The following PTPRG variants were observed in gnomAD, a reference collection of about 807,000 sequenced individuals.
PTPRG encodes the protein receptor-type tyrosine-protein phosphatase gamma.
A neutral mutation model predicts 165.3 loss-of-function variants in PTPRG; 102 were observed. The observed-to-expected ratio is 0.62, with a 90% CI of 0.53 to 0.73. The LOEUF (loss-of-function observed/expected upper bound fraction) is 0.73. Among genes scored for constraint, PTPRG ranks in the 30% least tolerant of loss-of-function variants. The probability of loss-of-function intolerance (pLI) is 0.00; values close to 1 mark genes in which losing one functional copy is unlikely to be tolerated. For synonymous variants in PTPRG, 675 were observed against 669.5 expected (o/e 1.01, Z -0.13); for missense variants, 1,866 against 1,861.4 (o/e 1.00, Z -0.05).
Position 62,157,096 on chromosome 3 carries a change from C to T in PTPRG, c.712C>T (p.Leu238Phe), listed in dbSNP as rs1027544316. ...EKETFLDPFVLRDLLPASLGS... is the reference protein window; with the variant it reads ...EKETFLDPFVFRDLLPASLGS... ...GGAGACCTTTCTGGATCCTTTCGTC[C>T]TCCGGGACCTCCTGCCTGCATCCCT... The change falls in exon 7 of 30, where the codon CTC (leucine) becomes TTC (phenylalanine). Residue 238 changes from leucine to phenylalanine, a missense_variant. This residue lies in a region of PTPRG where 408 missense variants were observed against 376.2 expected (regional missense o/e 1.08). Coordinates refer to ENST00000474889, the MANE Select transcript of PTPRG (RefSeq NM_002841.4). The T allele has an allele frequency of 6.2e-7, 1 of 1,609,846 alleles. No homozygotes were observed. The highest frequency in any genetic ancestry group is 2.2e-5 in the East Asian group (1 of 44,826).
rs747761165 is a variant in PTPRG, at chr3:62,271,348, C to T, written c.3010-35C>T. 2.6e-6 allele frequency: 4 copies of T among 1,538,888 alleles called. No individual in the cohort carries two copies. Among genetic ancestry groups the T allele is most frequent in the Non-Finnish European group, 1.8e-6 (2 of 1,133,078 alleles). On this transcript the variant is annotated intron_variant, in intron 20 of 29. Transcript: ENST00000474889. The surrounding 1 kb of genome is among the most constrained non-coding windows in gnomAD (Gnocchi z 4.1). Reference sequence around the variant, plus strand: ...ATTTTTTTCCAGAATGTCCACCCCCCCGCTTAAAGACATCTTTTTTCACTT... The same window carrying T: ...ATTTTTTTCCAGAATGTCCACCCCCTCGCTTAAAGACATCTTTTTTCACTT...
At chr3:61,749,361 T>C (rs1294310365) in intron 2 of PTPRG, 1 of 349,740 alleles carries the variant, frequency 2.9e-6, no homozygotes, top group East Asian at 7.9e-5. Context: ...TGCTAAACAT[T>C]ACAAACATCA....
intron 1 of PTPRG, among the ~76,000 whole-genome samples, chr3:61,652,438 A>G (rs1702380546): frequency 6.6e-6 from 1 of 151,132 alleles, no homozygotes; most frequent in South Asian, 2.1e-4. Flanking sequence ...TGAAATTAGA[A>G]TTTCCTCTAC....
rs914281463 is a variant in PTPRG, at chr3:62,103,143, G to GT, written c.615+24895dup. 6.3e-4 allele frequency among the ~76,000 whole-genome samples: 91 copies of GT among 144,168 alleles called. 1 individual carries two copies. The highest frequency in any genetic ancestry group is 1.5e-3 in the African/African-American group (59 of 38,810). 94.6% of individuals were successfully genotyped at this position (144,168 alleles called of 152,430 possible). On this transcript the variant is annotated intron_variant, in intron 5 of 29. Transcript: ENST00000474889. ...CTAACCCTCAGCTGTTCCTCATCAA[G>GT]TTTTTTTTTTATTTTATTTTGTGTT... is the stretch of plus-strand genomic sequence containing the variant.
intron 2 of PTPRG, among the ~76,000 whole-genome samples, chr3:61,824,145 TG>T (rs2036039444): frequency 6.6e-6 from 1 of 151,608 alleles, no homozygotes; most frequent in Admixed American, 6.6e-5. Context: ...AAAAAGATGA[TG>T]AAAAATGAGT....
At chr3:61,724,454 T>TG (rs764853045) in intron 1 of PTPRG, among the ~76,000 whole-genome samples, 8 of 152,086 alleles carry the variant, frequency 5.3e-5, no homozygotes, top group Non-Finnish European at 1.2e-4. Context: ...ATATTAACAG[T>TG]GCGTACACGT....
At position 62,293,422 on chromosome 3, in the gene PTPRG, TAA is replaced by T; in HGVS notation, c.*118_*119del. ...TAACCCAGTTACTTTTTTACACTGA[TAA>T]AAGTTTTGATATTTATTTTTTGCCA... On this transcript the variant is annotated 3_prime_UTR_variant, in exon 30 of 30. Coordinates refer to ENST00000474889, the MANE Select transcript of PTPRG (RefSeq NM_002841.4). 1.1e-6 allele frequency: 1 copy of T among 924,068 alleles called. No homozygotes were observed. Among genetic ancestry groups the T allele is most frequent in the Non-Finnish European group, 1.5e-6 (1 of 649,414 alleles). The allele number at this position is 924,068 out of a possible 1,614,324, so 57.2% of individuals were successfully genotyped here. A position where few individuals can be genotyped will look rare whatever the true frequency, so the allele number is the denominator to read the frequency against.
At chr3:61,565,410 CT>C (rs1265589185) in intron 1 of PTPRG, among the ~76,000 whole-genome samples, 2 of 152,132 alleles carry the variant, frequency 1.3e-5, no homozygotes, top group Non-Finnish European at 2.9e-5. Context: ...CCCCACCCAA[CT>C]TCAACACTCA....
chr3:61,822,055 C>G (rs1332304726), intron 2 of PTPRG, among the ~76,000 whole-genome samples: 6 of 152,182 alleles, frequency 3.9e-5, no homozygotes, highest in Admixed American at 3.9e-4. Flanking sequence ...AGTAACTTGC[C>G]TAAGTAATTA....
At chr3:61,767,360 A>G (rs1336434550) in intron 2 of PTPRG, among the ~76,000 whole-genome samples, 6 of 151,874 alleles carry the variant, frequency 4.0e-5, no homozygotes. Context: ...ATTCTAGTAC[A>G]TGATGATTTC....
intron 2 of PTPRG, among the ~76,000 whole-genome samples, chr3:61,909,787 C>CAA (rs1441520155): frequency 1.3e-5 from 2 of 152,124 alleles, no homozygotes; most frequent in African/African-American, 4.8e-5. Flanking sequence ...TTAGAGAAAT[C>CAA]GAATTGCTAA....
chr3:61,712,189 C>T (rs565422441), intron 1 of PTPRG, among the ~76,000 whole-genome samples: 11 of 151,978 alleles, frequency 7.2e-5, no homozygotes, highest in African/African-American at 1.9e-4. Context: ...CCACCGCGCC[C>T]GGCCTGTTAT....
chr3:61,751,137 C>T (rs2033411082), intron 2 of PTPRG: 1 of 152,218 alleles, frequency 6.6e-6, no homozygotes, highest in African/African-American at 2.4e-5. Context: ...TTGGCTCATG[C>T]TGACGTGGTG....
intron 1 of PTPRG, among the ~76,000 whole-genome samples, chr3:61,609,198 C>T (rs1407367383): frequency 6.6e-6 from 1 of 152,192 alleles, no homozygotes; most frequent in Non-Finnish European, 1.5e-5. Context: ...TAAAATTGGG[C>T]TAACCATCCC....
chr3:61,758,960 T>G (rs985630761), intron 2 of PTPRG, among the ~76,000 whole-genome samples: 5 of 152,240 alleles, frequency 3.3e-5, no homozygotes, highest in Non-Finnish European at 7.3e-5. Flanking sequence ...AGTCACAAGC[T>G]TAAGTATAAT....
intron 1 of PTPRG, among the ~76,000 whole-genome samples, chr3:61,608,360 G>A (rs1434400687): frequency 6.6e-6 from 1 of 152,200 alleles, no homozygotes; most frequent in Non-Finnish European, 1.5e-5. Context: ...CCATCATTAA[G>A]GATTGGTTCA....
At chr3:61,980,174 C>A (rs2040607639) in intron 2 of PTPRG, among the ~76,000 whole-genome samples, 1 of 152,150 alleles carries the variant, frequency 6.6e-6, no homozygotes, top group African/African-American at 2.4e-5. Context: ...CGTGTTTAAA[C>A]CAGACCTTAA....
At chr3:62,023,848 G>A (rs2041751798) in intron 4 of PTPRG, among the ~76,000 whole-genome samples, 1 of 152,112 alleles carries the variant, frequency 6.6e-6, no homozygotes, top group African/African-American at 2.4e-5. Context: ...AAGTTTTTCA[G>A]AAATGCTCAT....
chr3:61,942,977 G>T (rs975038912), intron 2 of PTPRG, among the ~76,000 whole-genome samples: 6 of 152,196 alleles, frequency 3.9e-5, no homozygotes, highest in Admixed American at 1.3e-4. Flanking sequence ...AGTGTATACA[G>T]ATTTGTCTCA....
Sources: gnomAD v4.1 joint callset for allele counts (sites outside exome capture counted in the v4.1 genomes callset) on GRCh38, gnomAD v4.1.1 for gene constraint, gnomAD v4.1.1 regional missense constraint, Gnocchi (gnomAD v3.1) non-coding constraint, MANE v1.5 for transcripts, NCBI Gene and HGNC (gene_info 2026-07-23, HGNC 2026-07-21) for gene names.